The following ITPR1 variants were observed in gnomAD, a reference collection of about 807,000 sequenced individuals.
ITPR1 encodes the protein inositol 1,4,5-trisphosphate receptor type 1, also known as inositol 1,4,5-trisphosphate-gated calcium channel ITPR1.
A neutral mutation model predicts 318.4 loss-of-function variants in ITPR1; 96 were observed. The observed-to-expected ratio is 0.30, with a 90% CI of 0.26 to 0.36. The LOEUF (loss-of-function observed/expected upper bound fraction) is 0.36. Among genes scored for constraint, ITPR1 ranks in the 10% least tolerant of loss-of-function variants. The pLI, the probability that ITPR1 is intolerant of heterozygous loss-of-function variation, is 1.00. For synonymous variants in ITPR1, 1,312 were observed against 1,289.9 expected (o/e 1.02, Z -0.37); for missense variants, 2,440 against 3,460.2 (o/e 0.71, Z 7.40).
chr3:4,612,819 G>A (rs1432303643), intron 4 of ITPR1, among the ~76,000 whole-genome samples: 7 of 152,100 alleles, frequency 4.6e-5, no homozygotes, highest in South Asian at 4.1e-4. Flanking sequence ...CCCAGGAGGC[G>A]GAGGTTGCAG....
chr3:4,584,682 C>T (rs992575800), intron 4 of ITPR1, among the ~76,000 whole-genome samples: 1 of 151,970 alleles, frequency 6.6e-6, no homozygotes, highest in Non-Finnish European at 1.5e-5. Context: ...AGTGAAGCTC[C>T]GGAACTCACT....
At chr3:4,518,567 G>A (rs542447879) in intron 3 of ITPR1, among the ~76,000 whole-genome samples, 1 of 152,314 alleles carries the variant, frequency 6.6e-6, no homozygotes, top group South Asian at 2.1e-4. Context: ...TGGGGGACCT[G>A]TTGTGGACTA....
intron 4 of ITPR1, among the ~76,000 whole-genome samples, chr3:4,583,334 T>C (rs968043643): frequency 3.9e-5 from 6 of 152,184 alleles, no homozygotes; most frequent in African/African-American, 1.4e-4. Context: ...TTAGCGTTTT[T>C]TCACTAACTT....
chr3:4,693,426 AT>A, intron 32 of ITPR1, 63 bp from the exon 33 acceptor site: 6 of 1,563,316 alleles, frequency 3.8e-6, no homozygotes, highest in Non-Finnish European at 4.4e-6. Context: ...CTGTGAATAG[AT>A]TTTTTTCATG....
intron 49 of ITPR1, 75 bp from the exon 50 acceptor site, chr3:4,782,544 T>C (rs1410552555): frequency 1.4e-6 from 2 of 1,416,820 alleles, no homozygotes; most frequent in Non-Finnish European, 1.9e-6. Context: ...AGACAGCCAG[T>C]GTGCATGCTG....
chr3:4,845,370 C>T (rs1408431880), intron 61 of ITPR1, among the ~76,000 whole-genome samples: 1 of 152,156 alleles, frequency 6.6e-6, no homozygotes, highest in Non-Finnish European at 1.5e-5. Context: ...AGTAAGTATG[C>T]CCTAAAATAC....
In ITPR1 at chr3:4,826,008, C is replaced by G; in HGVS notation, c.8028+7766C>G. On this transcript the variant is annotated intron_variant, in intron 60 of 61. Transcript: ENST00000649015. This position sits in a 1 kb window ranked among gnomAD's most constrained non-coding sequence, Gnocchi z 4.2. ...TTAAGGAACTCAGAAGTTGGAGTCC[C>G]TGCCAGACAGCACTTAGGTGCAGGA... 5.6e-6 allele frequency: 2 copies of G among 356,132 alleles called. No homozygotes were observed. The highest frequency in any genetic ancestry group is 4.2e-5 in the South Asian group (2 of 47,154). The allele number at this position is 356,132 out of a possible 1,614,324, so 22.1% of individuals were successfully genotyped here. A position where few individuals can be genotyped will look rare whatever the true frequency, so the allele number is the denominator to read the frequency against.
At chr3:4,627,565 C>T (rs1289433326) in intron 4 of ITPR1, among the ~76,000 whole-genome samples, 198 bp from the exon 5 acceptor site, 1 of 148,106 alleles carries the variant, frequency 6.8e-6, no homozygotes, top group African/African-American at 2.7e-5. Context: ...GACTCACTTT[C>T]TTTAAGCCTT....
chr3:4,562,278 A>G (rs559270469), intron 4 of ITPR1, among the ~76,000 whole-genome samples: 7 of 152,246 alleles, frequency 4.6e-5, no homozygotes, highest in South Asian at 2.1e-4. Context: ...CTCAATTTCT[A>G]TTTTTTCTAA....
At chr3:4,817,115 A>G (rs796759039) in intron 59 of ITPR1, among the ~76,000 whole-genome samples, 6 of 152,244 alleles carry the variant, frequency 3.9e-5, no homozygotes, top group African/African-American at 1.2e-4. Context: ...ATCGTTTTCT[A>G]TGTACTTTCT....
Position 4,697,315 on chromosome 3 carries a change from GGTGTGTGTGTGTGTGT to G in ITPR1, c.4407+66_4407+81del, listed in dbSNP as rs35795762. 5.2e-5 allele frequency: 45 copies of G among 864,090 alleles called. No individual in the cohort carries two copies. In the Middle Eastern group the frequency reaches 1.2e-3, roughly 23 times the overall value. The allele number at this position is 864,090 out of a possible 1,614,324, so 53.5% of individuals were successfully genotyped here. A position where few individuals can be genotyped will look rare whatever the true frequency, so the allele number is the denominator to read the frequency against. ...GAGGAGGCAGAGTTGGAGAGTGAGA[GGTGTGTGTGTGTGTGT>G]GTGTGTGTGTGTGTGTGTGTGTAGC... On this transcript the variant is annotated intron_variant, in intron 34 of 61. Transcript: ENST00000649015.
intron 44 of ITPR1, among the ~76,000 whole-genome samples, chr3:4,761,738 G>A (rs1048270751): frequency 6.6e-6 from 1 of 152,168 alleles, no homozygotes; most frequent in Non-Finnish European, 1.5e-5. Flanking sequence ...CGGGTAGAGG[G>A]GCCGTGCTTC....
Position 4,642,978 on chromosome 3 carries a change from G to A in ITPR1, c.525+727G>A, listed in dbSNP as rs142163175. 3.3e-3 allele frequency among the ~76,000 whole-genome samples: 505 copies of A among 152,300 alleles called. 3 individuals carry two copies. The highest frequency in any genetic ancestry group is 0.011 in the African/African-American group (457 of 41,552). On this transcript the variant is annotated intron_variant, in intron 7 of 61. Coordinates refer to ENST00000649015, the MANE Select transcript of ITPR1 (RefSeq NM_001378452.1). Reference sequence around the variant, plus strand: ...AAACAGCATGAAATAGTCTCAAAATGCTCAACCAGCCTTAACTTTAAAACT... The same window carrying A: ...AAACAGCATGAAATAGTCTCAAAATACTCAACCAGCCTTAACTTTAAAACT...
intron 4 of ITPR1, among the ~76,000 whole-genome samples, chr3:4,568,888 G>A (rs2087679372): frequency 6.6e-6 from 1 of 152,168 alleles, no homozygotes; most frequent in South Asian, 2.1e-4. Flanking sequence ...GTCTGTATAA[G>A]CATGGTGCTG....
At chr3:4,819,063 G>C (rs528089943) in intron 60 of ITPR1, among the ~76,000 whole-genome samples, 1 of 152,132 alleles carries the variant, frequency 6.6e-6, no homozygotes, top group Non-Finnish European at 1.5e-5. Context: ...TTGAGTGCTC[G>C]GCCTGATAAT....
chr3:4,734,587 C>T (rs1488391614), intron 43 of ITPR1, among the ~76,000 whole-genome samples: 1 of 152,256 alleles, frequency 6.6e-6, no homozygotes, highest in Non-Finnish European at 1.5e-5. Flanking sequence ...CAGTCAGAAT[C>T]CATTCTAAAT....
At chr3:4,722,612 A>G (rs2042241469) in intron 40 of ITPR1, among the ~76,000 whole-genome samples, 2 of 152,224 alleles carry the variant, frequency 1.3e-5, no homozygotes, top group Non-Finnish European at 2.9e-5. Flanking sequence ...TATTGAAATT[A>G]CAGCTTATTG....
rs557898221 is a variant in ITPR1, at chr3:4,695,927, C to T, written c.4282-1220C>T. Among the ~76,000 whole-genome samples the T allele has an allele frequency of 9.1e-4, 139 of 152,192 alleles. 4 individuals carry two copies. The highest frequency in any genetic ancestry group is 9.0e-4 in the Non-Finnish European group (61 of 68,038). On this transcript the variant is annotated intron_variant, in intron 33 of 61. Coordinates refer to ENST00000649015, the MANE Select transcript of ITPR1 (RefSeq NM_001378452.1). ...GTGTGGATAGTCAGAAGTGGAAGTG[C>T]TGGATCACAGGAGGTGCATTTCTTC...
intron 45 of ITPR1, 103 bp downstream of exon 45, chr3:4,766,813 A>G (rs1308130590): frequency 8.6e-6 from 8 of 930,654 alleles, no homozygotes. Flanking sequence ...ATGCATTATG[A>G]TGGGAGCTTT....
Sources: allele counts gnomAD v4.1 joint callset (sites outside exome capture counted in the v4.1 genomes callset), GRCh38; gene constraint gnomAD v4.1.1; non-coding constraint Gnocchi (gnomAD v3.1); transcripts MANE v1.5; gene names NCBI Gene and HGNC (gene_info 2026-07-23, HGNC 2026-07-21).